Variants in GRIK1 observed in about 807,000 individuals in gnomAD.
GRIK1 encodes the protein glutamate ionotropic receptor kainate type subunit 1.
Under a neutral mutation model 105.7 loss-of-function variants are expected in GRIK1, and 69 were observed. The ratio of observed to expected loss-of-function variants is 0.65; its 90% CI spans 0.54 to 0.80. The LOEUF is 0.80. Ranked by LOEUF, GRIK1 falls within the 30% of genes least tolerant of loss-of-function variation. GRIK1 has a pLI of 0.00. For missense variants in GRIK1, 1,109 were observed against 1,167.3 expected (o/e 0.95, Z 0.73); for synonymous variants, 438 against 431.3 (o/e 1.02, Z -0.19).
intron 1 of GRIK1, among the ~76,000 whole-genome samples, chr21:29,802,593 C>T (rs1200732673): frequency 2.0e-5 from 3 of 152,194 alleles, no homozygotes; most frequent in Non-Finnish European, 4.4e-5. Context: ...ATCACGCTCT[C>T]TGCATCCCAT....
chr21:29,887,199 A>G (rs936053755), intron 1 of GRIK1, among the ~76,000 whole-genome samples: 2 of 152,332 alleles, frequency 1.3e-5, no homozygotes, highest in East Asian at 3.9e-4. Context: ...GAGTTTTCAG[A>G]CTACAAAGTC....
intron 1 of GRIK1, among the ~76,000 whole-genome samples, chr21:29,919,304 T>G (rs1157640136): frequency 6.6e-6 from 1 of 151,722 alleles, no homozygotes; most frequent in African/African-American, 2.4e-5. Context: ...TGGTGAAGAG[T>G]GGATCTGGAG....
intron 15 of GRIK1, among the ~76,000 whole-genome samples, chr21:29,559,475 A>G (rs191195762): frequency 1.9e-4 from 29 of 152,356 alleles, no homozygotes; most frequent in Admixed American, 1.8e-3. Context: ...TAGCGATATT[A>G]GTATTTTCAT....
At chr21:29,924,658 C>A (rs1471073159) in intron 1 of GRIK1, among the ~76,000 whole-genome samples, 1 of 152,134 alleles carries the variant, frequency 6.6e-6, no homozygotes, top group Non-Finnish European at 1.5e-5. Context: ...CTCCCCCGAC[C>A]TTTTTTGTTT....
intron 1 of GRIK1, among the ~76,000 whole-genome samples, chr21:29,924,306 C>T (rs978290714): frequency 6.8e-6 from 1 of 147,426 alleles, no homozygotes; most frequent in African/African-American, 2.5e-5. Flanking sequence ...CACTGCACTC[C>T]AGCCTGGGCA....
intron 1 of GRIK1, among the ~76,000 whole-genome samples, chr21:29,916,836 T>G (rs182335363): frequency 8.5e-5 from 13 of 152,082 alleles, no homozygotes; most frequent in African/African-American, 3.1e-4. Flanking sequence ...TGCAGGCAGT[T>G]GCATACTAAA....
chr21:29,568,858 T>C (rs1262509870), intron 14 of GRIK1, among the ~76,000 whole-genome samples: 4 of 152,246 alleles, frequency 2.6e-5, no homozygotes, highest in African/African-American at 9.6e-5. Flanking sequence ...CTAACCTCAG[T>C]ACTGACCATA....
At chr21:29,685,208 G>C (rs1328289365) in intron 3 of GRIK1, among the ~76,000 whole-genome samples, 1 of 152,080 alleles carries the variant, frequency 6.6e-6, no homozygotes, top group African/African-American at 2.4e-5. Flanking sequence ...TTCAAACAAC[G>C]TATTGCAGAA....
intron 5 of GRIK1, among the ~76,000 whole-genome samples, chr21:29,651,722 T>C (rs1412679884): frequency 2.0e-5 from 3 of 152,082 alleles, no homozygotes; most frequent in Non-Finnish European, 4.4e-5. Context: ...GTATTGTGCC[T>C]AATTTATCAA....
intron 1 of GRIK1, among the ~76,000 whole-genome samples, chr21:29,753,659 A>G (rs1313303176): frequency 6.6e-6 from 1 of 152,234 alleles, no homozygotes; most frequent in Non-Finnish European, 1.5e-5. Flanking sequence ...AGAGTATAAA[A>G]GCAGATACTG....
At chr21:29,862,473 G>A (rs941249373) in intron 1 of GRIK1, among the ~76,000 whole-genome samples, 8 of 1,382 alleles carry the variant, frequency 5.8e-3, no homozygotes, top group Admixed American at 0.013. Context: ...TCATTCAACA[G>A]TAAAACAGGA....
chr21:29,560,562 T>TTCTTTCTTTCTC (rs2090447386), intron 15 of GRIK1, among the ~76,000 whole-genome samples: 1 of 119,500 alleles, frequency 8.4e-6, no homozygotes, highest in South Asian at 2.5e-4. Context: ...CTTTCTTTCT[T>TTCTTTCTTTCTC]TCTTTCTTTC....
intron 1 of GRIK1, among the ~76,000 whole-genome samples, chr21:29,787,959 G>A (rs1032380977): frequency 3.3e-5 from 5 of 152,232 alleles, no homozygotes; most frequent in African/African-American, 7.2e-5. Context: ...AGGCACGGTC[G>A]AAGAATCTTT....
chr21:29,796,306 A>G (rs866372290), intron 1 of GRIK1, among the ~76,000 whole-genome samples: 35 of 152,098 alleles, frequency 2.3e-4, no homozygotes, highest in African/African-American at 7.5e-4. Flanking sequence ...TGAAGTCCCT[A>G]GTTAATGTCC....
chr21:29,611,359 G>GCATATTC (rs76230537), intron 7 of GRIK1, among the ~76,000 whole-genome samples: 14 of 151,882 alleles, frequency 9.2e-5, no homozygotes, highest in African/African-American at 3.1e-4. Context: ...CTTTAACTCA[G>GCATATTC]ATATTCATTT....
At chr21:29,912,486 C>T (rs971342739) in intron 1 of GRIK1, among the ~76,000 whole-genome samples, 1 of 152,064 alleles carries the variant, frequency 6.6e-6, no homozygotes, top group African/African-American at 2.4e-5. Context: ...CAAAAATCGG[C>T]CAGAAGCCCC....
chr21:29,654,743 G>T, intron 5 of GRIK1, 67 bp downstream of exon 5: 2 of 910,682 alleles, frequency 2.2e-6, no homozygotes, highest in South Asian at 1.3e-5. Flanking sequence ...TGGTGAGGCC[G>T]ACTCTGAAAT....
intron 4 of GRIK1, among the ~76,000 whole-genome samples, chr21:29,665,377 G>C (rs1039766624): frequency 6.6e-6 from 1 of 152,140 alleles, no homozygotes; most frequent in Admixed American, 6.5e-5. Context: ...CAGCCTGAGA[G>C]AAACATAATT....
intron 1 of GRIK1, among the ~76,000 whole-genome samples, chr21:29,809,743 T>C (rs2066960844): frequency 6.6e-6 from 1 of 152,214 alleles, no homozygotes; most frequent in South Asian, 2.1e-4. Flanking sequence ...TCTTCCTCAC[T>C]AAGCTTAATA....
Sources: gnomAD v4.1 joint callset for allele counts (sites outside exome capture counted in the v4.1 genomes callset) on GRCh38, gnomAD v4.1.1 for gene constraint, MANE v1.5 for transcripts, NCBI Gene and HGNC (gene_info 2026-07-23, HGNC 2026-07-21) for gene names.